Variants in GPR158 observed in about 807,000 individuals in gnomAD.
GPR158 encodes G protein-coupled receptor 158, also known as metabotropic glycine receptor.
GPR158 carries 30 observed loss-of-function variants against 78.2 expected under a neutral mutation model. That is an observed-to-expected ratio of 0.38 (90% CI 0.29 to 0.52). GPR158 has a LOEUF of 0.52. Ranked by LOEUF, GPR158 falls within the 20% of genes least tolerant of loss-of-function variation. The pLI is 0.83. For synonymous variants in GPR158, 581 were observed against 591.1 expected, an observed-to-expected ratio of 0.98 and a Z score of 0.25; for missense variants, 1,463 against 1,523.5, an observed-to-expected ratio of 0.96 and a Z score of 0.66.
At chr10:25,465,236 C>T (rs1002314087) in intron 4 of GPR158, among the ~76,000 whole-genome samples, 2 of 152,038 alleles carry the variant, frequency 1.3e-5, no homozygotes, top group Non-Finnish European at 2.9e-5. Context: ...AATTATTTTC[C>T]TGTTAAGATA....
chr10:25,307,638 G>A (rs981928379), intron 2 of GPR158, among the ~76,000 whole-genome samples: 12 of 152,136 alleles, frequency 7.9e-5, no homozygotes, highest in Middle Eastern at 3.4e-3. Flanking sequence ...GCCTCCAAAA[G>A]TGCTGGGATT....
chr10:25,233,382 CT>C (rs60163080), intron 2 of GPR158, among the ~76,000 whole-genome samples: 4 of 151,302 alleles, frequency 2.6e-5, no homozygotes, highest in Admixed American at 2.0e-4. Flanking sequence ...AAAGCAGTTT[CT>C]TTTTTTTTCC....
chr10:25,352,834 CTG>C (rs1855493824), intron 2 of GPR158, among the ~76,000 whole-genome samples: 1 of 152,022 alleles, frequency 6.6e-6, no homozygotes, highest in Non-Finnish European at 1.5e-5. Flanking sequence ...AACTGTTACT[CTG>C]TATGTTATTT....
At position 25,599,651 on chromosome 10, in the gene GPR158, G is replaced by T; in HGVS notation, c.*377G>T. 1 of 171,652 alleles carries T rather than the reference G, an allele frequency of 5.8e-6. No homozygotes were observed. Among genetic ancestry groups the T allele is most frequent in the Non-Finnish European group, 1.2e-5 (1 of 80,320 alleles). 10.6% of individuals were successfully genotyped at this position (171,652 alleles called of 1,614,324 possible). On this transcript the variant is annotated 3_prime_UTR_variant, in exon 11 of 11. Transcript: ENST00000376351. The stretch of plus-strand genomic sequence containing the variant: ...ATTTGCAAAGAAAGAAAAGGTATAA[G>T]ACATATATAACTGAAATTCTAAGTA...
chr10:25,304,787 T>G (rs770993618), intron 2 of GPR158, among the ~76,000 whole-genome samples: 5 of 152,148 alleles, frequency 3.3e-5, no homozygotes, highest in Non-Finnish European at 5.9e-5. Context: ...TCTTTGGCAT[T>G]GCGTCTGAGA....
In GPR158 at chr10:25,221,155, G is replaced by T; in HGVS notation, c.1006G>T (p.Glu336Ter). ...TCATAAATGCCACCTCAACAATTCA[G>T]AGGTAAGAAGATGAAAATAAAATCC... ...GTHKCHLNNSECMPIKGLGFV... is the reference protein window; with the variant it reads ...GTHKCHLNNS Residue 336 changes from glutamate (E) to a stop codon, truncating the protein, a stop_gained and splice_region_variant, in exon 2 of 11, where the codon GAG (glutamate) becomes TAG (stop). Transcript: ENST00000376351. LOFTEE classifies it high-confidence loss of function. The T allele has an allele frequency of 6.9e-7, 1 of 1,449,410 alleles. No homozygotes were observed. Among genetic ancestry groups the T allele is most frequent in the Non-Finnish European group, 9.7e-7 (1 of 1,034,322 alleles). The allele number at this position is 1,449,410 out of a possible 1,614,324, so 89.8% of individuals were successfully genotyped here. A position where few individuals can be genotyped will look rare whatever the true frequency, so the allele number is the denominator to read the frequency against.
chr10:25,223,000 T>C (rs1419985648), intron 2 of GPR158, among the ~76,000 whole-genome samples: 2 of 152,194 alleles, frequency 1.3e-5, no homozygotes, highest in Non-Finnish European at 2.9e-5. Context: ...GGAAGATTGA[T>C]TTATTTTCAT....
At chr10:25,408,503 G>A (rs757298694) in intron 3 of GPR158, among the ~76,000 whole-genome samples, 4 of 152,042 alleles carry the variant, frequency 2.6e-5, no homozygotes, top group Non-Finnish European at 2.9e-5. Flanking sequence ...ATACTTTATC[G>A]TCTCCTATTC....
intron 2 of GPR158, among the ~76,000 whole-genome samples, chr10:25,349,428 T>G (rs1855422262): frequency 2.0e-5 from 3 of 147,910 alleles, no homozygotes; most frequent in African/African-American, 8.0e-5. Flanking sequence ...CACCAAAATC[T>G]CATTTTGAGT....
rs71399977 is a variant in GPR158 at position 25,586,391 on chromosome 10, A to ATT, written c.1754-2587_1754-2586dup. On this transcript the variant is annotated intron_variant, in intron 7 of 10. Coordinates refer to ENST00000376351, the MANE Select transcript of GPR158 (RefSeq NM_020752.3). ...CAGGGTTGTAAGTAGGTATGTGTGA[A>ATT]TTTTTTTTTTTTTTTTTTTTTTTTT... 2.6e-3 allele frequency among the ~76,000 whole-genome samples: 185 copies of ATT among 70,888 alleles called. 10 individuals carry two copies. Among genetic ancestry groups the ATT allele is most frequent in the African/African-American group, 3.3e-3 (64 of 19,136 alleles). 46.5% of individuals were successfully genotyped at this position (70,888 alleles called of 152,430 possible).
intron 7 of GPR158, among the ~76,000 whole-genome samples, chr10:25,582,161 A>T (rs1837211601): frequency 6.6e-6 from 1 of 152,310 alleles, no homozygotes; most frequent in East Asian, 1.9e-4. Context: ...GCTACAATTC[A>T]AGATGAGATT....
chr10:25,386,116 A>G (rs1445417471), intron 2 of GPR158, among the ~76,000 whole-genome samples: 2 of 152,130 alleles, frequency 1.3e-5, no homozygotes, highest in Non-Finnish European at 2.9e-5. Flanking sequence ...CTTAAATCAT[A>G]TTGATTAAGT....
At chr10:25,574,444 G>A (rs1332210616) in intron 7 of GPR158, among the ~76,000 whole-genome samples, 2 of 152,120 alleles carry the variant, frequency 1.3e-5, no homozygotes, top group African/African-American at 4.8e-5. Flanking sequence ...AGCAAAGTTA[G>A]GTGGTGAAGA....
intron 1 of GPR158, among the ~76,000 whole-genome samples, chr10:25,205,554 G>C (rs1024144082): frequency 6.6e-5 from 10 of 152,168 alleles, no homozygotes; most frequent in African/African-American, 2.4e-4. Flanking sequence ...GGTGTGGGCA[G>C]TTAGCACTAT....
intron 2 of GPR158, among the ~76,000 whole-genome samples, chr10:25,269,008 ATTC>A (rs1437131602): frequency 1.3e-5 from 2 of 152,208 alleles, no homozygotes; most frequent in Non-Finnish European, 2.9e-5. Flanking sequence ...CAAATTACAA[ATTC>A]TTCTTGTCTC....
intron 5 of GPR158, among the ~76,000 whole-genome samples, chr10:25,534,586 C>CAAA (rs57381468): frequency 9.1e-6 from 1 of 110,176 alleles, no homozygotes; most frequent in African/African-American, 2.9e-5. Context: ...ACTAAAAATG[C>CAAA]AAAAAAAAAA....
intron 7 of GPR158, among the ~76,000 whole-genome samples, chr10:25,587,224 G>A (rs1837280812): frequency 1.3e-5 from 2 of 152,086 alleles, no homozygotes; most frequent in South Asian, 4.1e-4. Context: ...ACTGATGGTT[G>A]GTTTCCTGAA....
chr10:25,277,669 G>T (rs1854203688), intron 2 of GPR158, among the ~76,000 whole-genome samples: 1 of 152,176 alleles, frequency 6.6e-6, no homozygotes, highest in African/African-American at 2.4e-5. Flanking sequence ...TCCTGGTGGA[G>T]AATCCTGTGG....
chr10:25,339,351 C>T (rs2130504115), intron 2 of GPR158, among the ~76,000 whole-genome samples: 1 of 152,036 alleles, frequency 6.6e-6, no homozygotes, highest in Admixed American at 6.6e-5. Flanking sequence ...TTTCTACCTG[C>T]TTGTTGTTAG....
Sources: gnomAD v4.1 joint callset for allele counts (sites outside exome capture counted in the v4.1 genomes callset) on GRCh38, gnomAD v4.1.1 for gene constraint, MANE v1.5 for transcripts, NCBI Gene and HGNC (gene_info 2026-07-23, HGNC 2026-07-21) for gene names.